SLC24A1: variants seen among roughly 807,000 people sequenced by gnomAD.
The protein encoded by SLC24A1 is solute carrier family 24 member 1, also known as sodium/potassium/calcium exchanger 1.
Under a neutral mutation model 88.1 loss-of-function variants are expected in SLC24A1, and 52 were observed. The ratio of observed to expected loss-of-function variants is 0.59; its 90% CI spans 0.47 to 0.74. The LOEUF is 0.74. SLC24A1 is among the 30% of genes least tolerant of loss of function. The probability of loss-of-function intolerance (pLI) is 0.00; values close to 1 mark genes in which losing one functional copy is unlikely to be tolerated. For synonymous variants in SLC24A1, 455 were observed against 498.0 expected, an observed-to-expected ratio of 0.91 and a Z score of 1.15; for missense variants, 1,173 against 1,363.3, an observed-to-expected ratio of 0.86 and a Z score of 2.20.
Position 65,654,707 on chromosome 15 carries a change from CTTTTT to C in SLC24A1, c.*639_*643del, listed in dbSNP as rs75137628. 1.8e-3 allele frequency: 2,071 copies of C among 1,120,010 alleles called. 30 individuals carry two copies. In the African/African-American group the frequency reaches 0.033, roughly 18 times the overall value. 69.4% of individuals were successfully genotyped at this position (1,120,010 alleles called of 1,614,324 possible). A position where few individuals can be genotyped will look rare whatever the true frequency, so the allele number is the denominator to read the frequency against. ...GCATCTGGATATATACCAGTATTTT[CTTTTT>C]TTTTTTTTTTGAGACAGAGTTTGGC... On this transcript the variant is annotated 3_prime_UTR_variant, in exon 10 of 10. Coordinates refer to ENST00000261892, the MANE Select transcript of SLC24A1 (RefSeq NM_004727.3).
At chr15:65,629,361 C>T (rs2141505108) in intron 2 of SLC24A1, among the ~76,000 whole-genome samples, 1 of 152,164 alleles carries the variant, frequency 6.6e-6, no homozygotes, top group African/African-American at 2.4e-5. Flanking sequence ...TTGACATAGA[C>T]ATATAGTAAG....
Position 65,651,759 on chromosome 15 carries a change from G to C in SLC24A1, c.2883G>C (p.Gln961His). Residue 961 changes from glutamine to histidine, a missense_variant and splice_region_variant, in exon 8 of 10, where the codon CAG (glutamine) becomes CAC (histidine). By Grantham distance (24) the Gln-to-His change is conservative. Coordinates refer to ENST00000261892, the MANE Select transcript of SLC24A1 (RefSeq NM_004727.3). Reference protein sequence around the residue: ...FSYLMVWWAHQVGETIGISEE... With the variant: ...FSYLMVWWAHHVGETIGISEE... ...ACCTCATGGTGTGGTGGGCTCACCA[G>C]GTGAGTGAACAGCAGGAACGAAATC... 1 of 1,552,706 alleles carries C rather than the reference G, an allele frequency of 6.4e-7. No individual in the cohort carries two copies. The highest frequency in any genetic ancestry group is 8.9e-7 in the Non-Finnish European group (1 of 1,124,364).
At position 65,625,714 on chromosome 15, in the gene SLC24A1, T is replaced by C. The variant is rs1566949072; in HGVS notation, c.1634T>C (p.Leu545Pro). Residue 545 changes from leucine (L) to proline (P), a missense_variant, in exon 2 of 10, where the codon CTC becomes CCC. Leu to Pro is a moderately conservative substitution (Grantham distance 98, BLOSUM62 -3). Transcript: ENST00000261892. ...NILFVIGTCS[L>P]FSREILNLTW... ...CTCTTTGTCATTGGCACTTGTTCCCTCTTCTCCCGAGAGATCCTCAACCTC... is the reference window on the plus strand; with the variant it reads ...CTCTTTGTCATTGGCACTTGTTCCCCCTTCTCCCGAGAGATCCTCAACCTC... The C allele has an allele frequency of 6.2e-7, 1 of 1,614,056 alleles. No individual in the cohort carries two copies. Among genetic ancestry groups the C allele is most frequent in the Non-Finnish European group, 8.5e-7 (1 of 1,179,904 alleles).
At chr15:65,627,115 A>G (rs2074546277) in intron 2 of SLC24A1, among the ~76,000 whole-genome samples, 1 of 152,186 alleles carries the variant, frequency 6.6e-6, no homozygotes, top group African/African-American at 2.4e-5. Flanking sequence ...GGCAAGGGAG[A>G]TTAAATGCAC....
chr15:65,638,043 C>T, intron 2 of SLC24A1, 85 bp from the exon 3 acceptor site: 1 of 912,470 alleles, frequency 1.1e-6, no homozygotes, highest in South Asian at 1.4e-5. Flanking sequence ...TGTATTTCAA[C>T]CTGAGGACTT....
chr15:65,624,440 G>C lies in SLC24A1; in HGVS notation c.360G>C (p.Lys120Asn). ...CCAGTATGCCTAAAAGAACAGCCAA[G>C]ATGATCCCAACAACAACCAAGAATA... is the stretch of plus-strand genomic sequence containing the variant. ...NIPSMPKRTA[K>N]MIPTTTKNNY... Residue 120 changes from lysine to asparagine, a missense_variant, in exon 2 of 10, where the codon AAG becomes AAC. Coordinates refer to ENST00000261892, the MANE Select transcript of SLC24A1 (RefSeq NM_004727.3). 2 of 1,612,254 alleles carry C rather than the reference G, an allele frequency of 1.2e-6. No individual in the cohort carries two copies. Among genetic ancestry groups the C allele is most frequent in the Non-Finnish European group, 1.7e-6 (2 of 1,179,060 alleles).
At chr15:65,656,323 C>T (rs996288203), downstream of SLC24A1, 4 of 865,984 alleles carry the variant, frequency 4.6e-6, no homozygotes, top group African/African-American at 7.3e-5. Context: ...AAGTTCTGAT[C>T]ACTTTACAGT....
At chr15:65,641,877 G>C (rs1203912579) in intron 4 of SLC24A1, among the ~76,000 whole-genome samples, 1 of 152,254 alleles carries the variant, frequency 6.6e-6, no homozygotes, top group Non-Finnish European at 1.5e-5. Context: ...AGGATTATGT[G>C]ATGTTCAGGC....
rs2074452181 is a variant in SLC24A1, at chr15:65,624,925, T to A, written c.845T>A (p.Phe282Tyr). 6.2e-7 allele frequency: 1 copy of A among 1,613,260 alleles called. No individual in the cohort carries two copies. The highest frequency in any genetic ancestry group is 2.2e-5 in the East Asian group (1 of 44,884). Residue 282 changes from phenylalanine to tyrosine, a missense_variant, in exon 2 of 10, where the codon TTT becomes TAT. Phe to Tyr is a conservative substitution (Grantham distance 22, BLOSUM62 3). Transcript: ENST00000261892. ...PRSVMEKNNLFPPRRVESNSS... is the reference protein window; with the variant it reads ...PRSVMEKNNLYPPRRVESNSS... ...AGCGTCATGGAAAAAAACAACCTGT[T>A]TCCCCCCAGAAGAGTGGAAAGTAAC...
At chr15:65,636,453 G>A (rs751371597) in intron 2 of SLC24A1, among the ~76,000 whole-genome samples, 3 of 152,002 alleles carry the variant, frequency 2.0e-5, no homozygotes, top group African/African-American at 2.4e-5. Context: ...GTCGTAGTAC[G>A]CACCTGTAGT....
intron 2 of SLC24A1, among the ~76,000 whole-genome samples, chr15:65,627,439 G>T (rs1464493904): frequency 1.3e-5 from 2 of 152,172 alleles, no homozygotes; most frequent in East Asian, 3.8e-4. Flanking sequence ...GAAATATCCT[G>T]CCCAGGGTCA....
intron 2 of SLC24A1, among the ~76,000 whole-genome samples, chr15:65,637,763 T>A (rs1596326528): frequency 6.6e-6 from 1 of 152,052 alleles, no homozygotes. Flanking sequence ...CAGAGGAAGG[T>A]GACACTTAAG....
intron 2 of SLC24A1, 53 bp downstream of exon 2, chr15:65,626,023 G>A (rs2074503084): frequency 6.8e-6 from 9 of 1,316,260 alleles, no homozygotes; most frequent in Non-Finnish European, 9.9e-6. Flanking sequence ...GAAAGGATGT[G>A]GCGAAGCCAG....
At position 65,645,674 on chromosome 15, in the gene SLC24A1, G is replaced by A; in HGVS notation, c.2203G>A (p.Gly735Arg). 1 of 1,579,654 alleles carries A rather than the reference G, an allele frequency of 6.3e-7. No individual in the cohort carries two copies. Among genetic ancestry groups the A allele is most frequent in the Non-Finnish European group, 8.6e-7 (1 of 1,162,666 alleles). ...VTPAPVPDIK[G>R]DQKENPGGQE... ...ACCAGCCCCTGTTCCAGACATCAAG[G>A]GAGATCAGAAGGAGAATCCAGGCGG... The change falls in exon 6 of 10, where the codon GGA becomes AGA. Residue 735 changes from glycine to arginine, a missense_variant. By Grantham distance (125) the Gly-to-Arg change is moderately radical. Coordinates refer to ENST00000261892, the MANE Select transcript of SLC24A1 (RefSeq NM_004727.3).
chr15:65,644,825 T>A (rs1333050340), intron 5 of SLC24A1, among the ~76,000 whole-genome samples: 1 of 152,238 alleles, frequency 6.6e-6, no homozygotes, highest in Non-Finnish European at 1.5e-5. Context: ...CACTTCTTTT[T>A]GCTAAATCTC....
chr15:65,651,522 G>T, intron 7 of SLC24A1, 148 bp from the exon 8 acceptor site: 1 of 615,150 alleles, frequency 1.6e-6, no homozygotes. Flanking sequence ...GTCCTCCCTG[G>T]AGAGAGAGCT....
intron 2 of SLC24A1, among the ~76,000 whole-genome samples, chr15:65,613,797 T>G (rs2074051854): frequency 6.6e-6 from 1 of 152,096 alleles, no homozygotes; most frequent in Non-Finnish European, 1.5e-5. Flanking sequence ...CAAGATGATT[T>G]TTCATCTACA....
upstream of SLC24A1, among the ~76,000 whole-genome samples, chr15:65,616,942 G>A (rs141891653): frequency 4.1e-3 from 631 of 152,272 alleles, 6 homozygotes; most frequent in African/African-American, 0.015. Flanking sequence ...CTTTCTACGT[G>A]TGGCTAGCCA....
intron 4 of SLC24A1, 104 bp from the exon 5 acceptor site, chr15:65,644,323 C>T: frequency 1.3e-6 from 1 of 797,064 alleles, no homozygotes; most frequent in Non-Finnish European, 2.2e-6. Context: ...TTCCCACACT[C>T]TGCAGCTGCC....
Sources: gnomAD v4.1 joint callset for allele counts (sites outside exome capture counted in the v4.1 genomes callset) on GRCh38, gnomAD v4.1.1 for gene constraint, MANE v1.5 for transcripts, NCBI Gene and HGNC (gene_info 2026-07-23, HGNC 2026-07-21) for gene names.